NDUFAF6: variants seen among roughly 807,000 people sequenced by gnomAD.
NDUFAF6 encodes the protein NADH dehydrogenase (ubiquinone) complex I, assembly factor 6.
NDUFAF6 carries 45 observed loss-of-function variants against 40.8 expected under a neutral mutation model. The ratio of observed to expected loss-of-function variants is 1.10; its 90% CI spans 0.87 to 1.42. The LOEUF is 1.42. Among genes scored for constraint, NDUFAF6 ranks in the 40% most tolerant of loss-of-function variants. The probability of loss-of-function intolerance (pLI) is 0.00; values close to 1 mark genes in which losing one functional copy is unlikely to be tolerated. For missense variants in NDUFAF6, 435 were observed against 418.5 expected (o/e 1.04, Z -0.34); for synonymous variants, 185 against 155.9 (o/e 1.19, Z -1.39).
At chr8:94,911,789 T>C (rs1222921563) in intron 1 of NDUFAF6, among the ~76,000 whole-genome samples, 1 of 151,876 alleles carries the variant, frequency 6.6e-6, no homozygotes, top group Non-Finnish European at 1.5e-5. Flanking sequence ...CAAAATGAGG[T>C]TTTTCCAGCT....
exon 3 of NDUFAF6, chr8:95,103,311 G>A (rs1258421304): frequency 6.6e-6 from 1 of 152,164 alleles, no homozygotes; most frequent in African/African-American, 2.4e-5. Flanking sequence ...AAAATCTACT[G>A]TACTGGTGGT....
chr8:94,985,510 TATA>T (rs1825815767), intron 2 of NDUFAF6, among the ~76,000 whole-genome samples: 2 of 5,402 alleles, frequency 3.7e-4, no homozygotes, highest in Non-Finnish European at 5.9e-4. Flanking sequence ...TATATATATA[TATA>T]TATTTTTTTT....
chr8:94,918,082 T>C (rs1819256860), intron 1 of NDUFAF6, among the ~76,000 whole-genome samples: 1 of 152,146 alleles, frequency 6.6e-6, no homozygotes, highest in South Asian at 2.1e-4. Flanking sequence ...TTTGGGTAAA[T>C]ATTTGTAATT....
chr8:94,983,256 CTTTTTTTTTTTT>C (rs1173077785), intron 2 of NDUFAF6, among the ~76,000 whole-genome samples: 4 of 83,184 alleles, frequency 4.8e-5, no homozygotes, highest in East Asian at 3.2e-4. Context: ...CTTTGCTATT[CTTTTTTTTTTTT>C]TTTTTTTTTT....
chr8:95,076,836 G>A (rs1808642298), downstream of NDUFAF6, among the ~76,000 whole-genome samples: 1 of 144,508 alleles, frequency 6.9e-6, no homozygotes, highest in Non-Finnish European at 1.5e-5. Flanking sequence ...TCGTGCCATT[G>A]CACTCCAGCC....
intron 4 of NDUFAF6, among the ~76,000 whole-genome samples, chr8:95,111,657 C>T (rs1464086793): frequency 1.3e-5 from 2 of 152,124 alleles, no homozygotes; most frequent in East Asian, 1.9e-4. Flanking sequence ...GCCTGCTCAT[C>T]GTGGGCACCA....
At chr8:94,911,816 G>A (rs1818799027) in intron 1 of NDUFAF6, among the ~76,000 whole-genome samples, 1 of 152,170 alleles carries the variant, frequency 6.6e-6, no homozygotes, top group African/African-American at 2.4e-5. Context: ...CGTTAGTGAG[G>A]ATGCTATGGC....
chr8:95,106,742 G>A (rs995478608), downstream of NDUFAF6, among the ~76,000 whole-genome samples: 24 of 152,042 alleles, frequency 1.6e-4, no homozygotes, highest in African/African-American at 5.6e-4. Context: ...ATCTGACAAA[G>A]GGCTAATATC....
rs148032967 is a variant in NDUFAF6, at chr8:95,017,058, G to A, written c.-83-14937G>A. Reference sequence around the variant, plus strand: ...AGTGATTCTGTTGCCTCAGCCTCCCGAGTAGGTAGGACCACAGGTGTACAC... The same window carrying A: ...AGTGATTCTGTTGCCTCAGCCTCCCAAGTAGGTAGGACCACAGGTGTACAC... On this transcript the variant is annotated intron_variant, in intron 2 of 9. Coordinates refer to the NDUFAF6 transcript ENST00000396111. 4.6e-3 allele frequency among the ~76,000 whole-genome samples: 694 copies of A among 149,592 alleles called. 5 individuals carry two copies. Among genetic ancestry groups the A allele is most frequent in the African/African-American group, 0.016 (663 of 40,656 alleles).
chr8:95,069,137 C>T (rs1217477152), intron 9 of NDUFAF6: 5 of 151,870 alleles, frequency 3.3e-5, no homozygotes, highest in African/African-American at 1.2e-4. Flanking sequence ...GATGACTCAA[C>T]ACTCACTTAT....
intron 4 of NDUFAF6, among the ~76,000 whole-genome samples, chr8:95,115,235 T>C (rs1810107336): frequency 6.6e-6 from 1 of 152,182 alleles, no homozygotes. Context: ...ACCTCAATAT[T>C]TGTCAGCACC....
chr8:95,036,880 C>G (rs1829565944), intron 3 of NDUFAF6, among the ~76,000 whole-genome samples: 1 of 152,188 alleles, frequency 6.6e-6, no homozygotes, highest in African/African-American at 2.4e-5. Flanking sequence ...GGTGTTGAAG[C>G]TGAACGTGAA....
Position 95,058,533 on chromosome 8 carries a change from G to T in NDUFAF6, c.*596G>T, listed in dbSNP as rs1381562280. 7 of 1,222,536 alleles carry T rather than the reference G, an allele frequency of 5.7e-6. No homozygotes were observed. Among genetic ancestry groups the T allele is most frequent in the Non-Finnish European group, 7.1e-6 (7 of 982,866 alleles). 75.7% of individuals were successfully genotyped at this position (1,222,536 alleles called of 1,614,324 possible). A position where few individuals can be genotyped will look rare whatever the true frequency, so the allele number is the denominator to read the frequency against. ...GGTTGGAGTGGCTGGCAAGAGCAGA[G>T]CCTTAATTTGACTTTAGCTCTGGCT... On this transcript the variant is annotated 3_prime_UTR_variant, in exon 9 of 9. Coordinates refer to ENST00000396124, the MANE Select transcript of NDUFAF6 (RefSeq NM_152416.4).
downstream of NDUFAF6, among the ~76,000 whole-genome samples, chr8:95,063,081 G>A (rs1398235065): frequency 6.6e-6 from 1 of 152,182 alleles, no homozygotes; most frequent in Non-Finnish European, 1.5e-5. Context: ...GAAGTCATAG[G>A]CCACATTAAG....
At chr8:95,088,625 T>A (rs1286633562) in intron 2 of NDUFAF6, among the ~76,000 whole-genome samples, 3 of 152,116 alleles carry the variant, frequency 2.0e-5, no homozygotes, top group African/African-American at 7.2e-5. Context: ...CTCATAGTGA[T>A]CTCAGGCTTT....
At chr8:95,027,645 C>G (rs567473809) in intron 1 of NDUFAF6, among the ~76,000 whole-genome samples, 1 of 151,220 alleles carries the variant, frequency 6.6e-6, no homozygotes, top group South Asian at 2.1e-4. Flanking sequence ...TACCTTATAG[C>G]CTGGTGTTGT....
chr8:95,019,284 A>G (rs1827595752), intron 2 of NDUFAF6, among the ~76,000 whole-genome samples: 1 of 152,256 alleles, frequency 6.6e-6, no homozygotes, highest in Non-Finnish European at 1.5e-5. Context: ...TGCTGGGATT[A>G]CAGGCGTGAG....
intron 2 of NDUFAF6, among the ~76,000 whole-genome samples, chr8:95,016,285 T>C (rs1827442042): frequency 6.6e-6 from 1 of 152,272 alleles, no homozygotes; most frequent in Non-Finnish European, 1.5e-5. Context: ...TTTCTGTTTT[T>C]ATAACTGCAT....
upstream of NDUFAF6, among the ~76,000 whole-genome samples, chr8:95,098,303 TGG>T (rs1171719383): frequency 6.7e-6 from 1 of 149,258 alleles, no homozygotes; most frequent in Non-Finnish European, 1.5e-5. Context: ...GAGGCCGAGG[TGG>T]GTGGATCACC....
Sources: allele counts gnomAD v4.1 joint callset (sites outside exome capture counted in the v4.1 genomes callset), GRCh38; gene constraint gnomAD v4.1.1; transcripts MANE v1.5; gene names NCBI Gene and HGNC (gene_info 2026-07-23, HGNC 2026-07-21).